Variants in NDUFAF2 observed in about 807,000 individuals in gnomAD.
NDUFAF2 encodes the protein NADH dehydrogenase [ubiquinone] 1 alpha subcomplex assembly factor 2.
Under a neutral mutation model 22.8 loss-of-function variants are expected in NDUFAF2, and 13 were observed. That is an observed-to-expected ratio of 0.57 (90% confidence interval 0.37 to 0.91). The LOEUF (loss-of-function observed/expected upper bound fraction) is 0.91, where lower values mean the gene tolerates loss of function less well. Ranked by LOEUF, NDUFAF2 falls within the 40% of genes least tolerant of loss-of-function variation. The pLI is 0.01. For missense variants in NDUFAF2, 162 were observed against 195.2 expected (o/e 0.83, Z 1.01); for synonymous variants, 53 against 64.2 (o/e 0.83, Z 0.84).
chr5:61,068,139 T>G (rs963783111), intron 1 of NDUFAF2, among the ~76,000 whole-genome samples: 3 of 152,146 alleles, frequency 2.0e-5, no homozygotes, highest in Non-Finnish European at 4.4e-5. Context: ...ACTTTACCTC[T>G]TTCTTCCTCC....
At chr5:61,020,853 G>A (rs568102644) in intron 1 of NDUFAF2, among the ~76,000 whole-genome samples, 27 of 152,038 alleles carry the variant, frequency 1.8e-4, no homozygotes, top group African/African-American at 3.6e-4. Context: ...GTACCACCAC[G>A]CCCAGCTAAT....
chr5:60,985,513 C>T (rs1421073147), intron 1 of NDUFAF2, among the ~76,000 whole-genome samples: 1 of 152,112 alleles, frequency 6.6e-6, no homozygotes, highest in Non-Finnish European at 1.5e-5. Context: ...ATCTTTCTTG[C>T]TTTCTCTTGT....
intron 1 of NDUFAF2, among the ~76,000 whole-genome samples, chr5:60,996,457 T>C (rs162251): frequency 0.67 from 102,040 of 151,660 alleles, 34,685 homozygotes; most frequent in East Asian, 0.94. Flanking sequence ...CTCCTCTCCT[T>C]AAACAGAAGG....
At chr5:61,121,223 A>T (rs919422243) in intron 3 of NDUFAF2, among the ~76,000 whole-genome samples, 3 of 152,186 alleles carry the variant, frequency 2.0e-5, no homozygotes, top group African/African-American at 7.2e-5. Flanking sequence ...TCTTATATAC[A>T]CATGTTCATT....
chr5:61,038,816 G>A (rs1437436280), intron 1 of NDUFAF2, among the ~76,000 whole-genome samples: 1 of 151,582 alleles, frequency 6.6e-6, no homozygotes, highest in Non-Finnish European at 1.5e-5. Context: ...TTGAGGTCAT[G>A]TTTCTTAATT....
intron 1 of NDUFAF2, among the ~76,000 whole-genome samples, chr5:60,954,076 G>C (rs1233350152): frequency 2.0e-5 from 3 of 152,044 alleles, no homozygotes; most frequent in Non-Finnish European, 4.4e-5. Context: ...TTGAGTGTTG[G>C]CTGTGTATTT....
chr5:61,066,536 A>G (rs113645071), intron 1 of NDUFAF2, among the ~76,000 whole-genome samples: 290 of 152,174 alleles, frequency 1.9e-3, no homozygotes, highest in African/African-American at 6.6e-3. Flanking sequence ...ATAGGCACAT[A>G]GATCAGTGGA....
At chr5:61,109,142 T>C (rs1406590208) in intron 3 of NDUFAF2, among the ~76,000 whole-genome samples, 1 of 152,166 alleles carries the variant, frequency 6.6e-6, no homozygotes, top group East Asian at 1.9e-4. Flanking sequence ...TGCATCAATG[T>C]TTTATAGGTT....
intron 3 of NDUFAF2, among the ~76,000 whole-genome samples, chr5:61,125,164 T>A (rs1335990286): frequency 6.6e-6 from 1 of 152,020 alleles, no homozygotes; most frequent in African/African-American, 2.4e-5. Context: ...TGTGTCACAT[T>A]GTTTCTGTAT....
At chr5:61,098,588 A>G (rs1301687184) in intron 2 of NDUFAF2, among the ~76,000 whole-genome samples, 1 of 152,244 alleles carries the variant, frequency 6.6e-6, no homozygotes, top group Non-Finnish European at 1.5e-5. Flanking sequence ...TAAATTGAAC[A>G]GTAACTAATT....
At chr5:61,134,665 G>A (rs1394930001) in intron 3 of NDUFAF2, among the ~76,000 whole-genome samples, 1 of 152,056 alleles carries the variant, frequency 6.6e-6, no homozygotes, top group Non-Finnish European at 1.5e-5. Flanking sequence ...CAGCCTGGGT[G>A]ACAGAGTGAG....
intron 3 of NDUFAF2, among the ~76,000 whole-genome samples, chr5:61,131,375 GT>G (rs1027015894): frequency 1.3e-5 from 2 of 151,294 alleles, no homozygotes; most frequent in African/African-American, 4.9e-5. Flanking sequence ...TTTTTGGTTT[GT>G]TTTTTATGTT....
At position 61,041,077 on chromosome 5, in the gene NDUFAF2, A is replaced by G. The variant is rs77735401; in HGVS notation, c.128-32048A>G. Reference sequence around the variant, plus strand: ...AAGCACAGATCATTTATAAAGATTAACATTTAGTAAAATGACTTACAAATG... The same window carrying G: ...AAGCACAGATCATTTATAAAGATTAGCATTTAGTAAAATGACTTACAAATG... On this transcript the variant is annotated intron_variant, in intron 1 of 3. Transcript: ENST00000296597. 4.1e-4 allele frequency among the ~76,000 whole-genome samples: 63 copies of G among 152,304 alleles called. 1 individual carries two copies. In the East Asian group the frequency reaches 0.012, roughly 28 times the overall value.
At chr5:60,971,508 C>T (rs900474677) in intron 1 of NDUFAF2, among the ~76,000 whole-genome samples, 10 of 151,748 alleles carry the variant, frequency 6.6e-5, no homozygotes, top group African/African-American at 1.5e-4. Context: ...AGGATGGTCT[C>T]GATCTCCTGA....
chr5:61,129,377 G>A (rs1248968563), intron 3 of NDUFAF2, among the ~76,000 whole-genome samples: 3 of 152,046 alleles, frequency 2.0e-5, no homozygotes, highest in Admixed American at 6.6e-5. Flanking sequence ...CAATAACAAA[G>A]ACTTGGAACC....
At chr5:61,072,274 T>C (rs1752309216) in intron 1 of NDUFAF2, among the ~76,000 whole-genome samples, 1 of 152,202 alleles carries the variant, frequency 6.6e-6, no homozygotes, top group Non-Finnish European at 1.5e-5. Flanking sequence ...TGACCAGTTT[T>C]GTTAAATTCT....
intron 2 of NDUFAF2, among the ~76,000 whole-genome samples, chr5:61,091,810 C>T (rs56132498): frequency 0.02 from 3,093 of 152,046 alleles, 119 homozygotes; most frequent in African/African-American, 0.07. Flanking sequence ...AGTTGTCTTC[C>T]GAGGTTTTGT....
At chr5:60,970,719 A>T (rs951121533) in intron 1 of NDUFAF2, among the ~76,000 whole-genome samples, 1 of 152,156 alleles carries the variant, frequency 6.6e-6, no homozygotes, top group Non-Finnish European at 1.5e-5. Context: ...TAGGACTTCC[A>T]GTACGTGTTA....
intron 1 of NDUFAF2, among the ~76,000 whole-genome samples, chr5:60,985,664 T>C (rs1405570680): frequency 6.6e-6 from 1 of 152,218 alleles, no homozygotes; most frequent in Admixed American, 6.5e-5. Context: ...CCAGTAGTCA[T>C]TCAGGAGCAG....
Sources: gnomAD v4.1 joint callset for allele counts (sites outside exome capture counted in the v4.1 genomes callset) on GRCh38, gnomAD v4.1.1 for gene constraint, MANE v1.5 for transcripts, NCBI Gene and HGNC (gene_info 2026-07-23, HGNC 2026-07-21) for gene names.